NCOA7: variants seen among roughly 807,000 people sequenced by gnomAD.
NCOA7 encodes nuclear receptor coactivator 7.
NCOA7 carries 45 observed loss-of-function variants against 104.3 expected under a neutral mutation model. That is an observed-to-expected ratio of 0.43 (90% CI 0.34 to 0.55). The LOEUF (loss-of-function observed/expected upper bound fraction) is 0.55, where lower values mean the gene tolerates loss of function less well. Among genes scored for constraint, NCOA7 ranks in the 20% least tolerant of loss-of-function variants. The probability of loss-of-function intolerance (pLI) is 0.02; values close to 1 mark genes in which losing one functional copy is unlikely to be tolerated. For missense variants in NCOA7, 1,041 were observed against 1,119.7 expected, an observed-to-expected ratio of 0.93 and a Z score of 1.00; for synonymous variants, 398 against 402.3, an observed-to-expected ratio of 0.99 and a Z score of 0.13.
rs1471722657 is a variant in NCOA7 at position 125,931,681 on chromosome 6, G to T, written c.*2910G>T. ...TTATAAGTATGTCTTCCCTTAATTTGATCTCCCTCTCCTTGATGCCTTTTA... is the reference window on the plus strand; with the variant it reads ...TTATAAGTATGTCTTCCCTTAATTTTATCTCCCTCTCCTTGATGCCTTTTA... On this transcript the variant is annotated 3_prime_UTR_variant, in exon 16 of 16. Coordinates refer to ENST00000392477, the MANE Select transcript of NCOA7 (RefSeq NM_181782.5). 6.6e-6 allele frequency: 1 copy of T among 152,118 alleles called. No homozygotes were observed. Among genetic ancestry groups the T allele is most frequent in the Non-Finnish European group, 1.5e-5 (1 of 68,034 alleles). 9.4% of individuals were successfully genotyped at this position (152,118 alleles called of 1,614,324 possible). A position where few individuals can be genotyped will look rare whatever the true frequency, so the allele number is the denominator to read the frequency against.
At position 125,889,455 on chromosome 6, in the gene NCOA7, A is replaced by C. The variant is rs770835214; in HGVS notation, c.1401A>C (p.Leu467=). ...SAVEMQVQSA[L]AFLGTENDVE... ...TGGAAATGCAGGTGCAGTCAGCCCT[A>C]GCCTTTTTGGGAACAGAGAATGATG... is the stretch of plus-strand genomic sequence containing the variant. Residue 467 remains leucine, a synonymous_variant, in exon 9 of 16, where the codon CTA becomes CTC. Transcript: ENST00000392477. The C allele has an allele frequency of 6.2e-7, 1 of 1,614,130 alleles. No individual in the cohort carries two copies. Among genetic ancestry groups the C allele is most frequent in the South Asian group, 1.1e-5 (1 of 91,080 alleles).
upstream of NCOA7, among the ~76,000 whole-genome samples, chr6:125,786,573 C>CTTTTTTTTT (rs148199881): frequency 8.3e-6 from 1 of 121,086 alleles, no homozygotes. Context: ...TAATCATTGT[C>CTTTTTTTTT]TTTTTTTTTT....
intron 2 of NCOA7, among the ~76,000 whole-genome samples, chr6:125,845,064 T>C (rs1780482186): frequency 6.6e-6 from 1 of 152,184 alleles, no homozygotes; most frequent in Admixed American, 6.5e-5. Flanking sequence ...GCATCCAAAG[T>C]ACAAGACGAT....
chr6:125,909,736 G>A (rs1298001665), intron 10 of NCOA7, among the ~76,000 whole-genome samples: 1 of 152,068 alleles, frequency 6.6e-6, no homozygotes, highest in Non-Finnish European at 1.5e-5. Flanking sequence ...CTTGAACTCG[G>A]GAGGCAGAGG....
chr6:125,843,772 A>G (rs540175942), intron 2 of NCOA7, among the ~76,000 whole-genome samples: 1 of 152,254 alleles, frequency 6.6e-6, no homozygotes, highest in Admixed American at 6.5e-5. Flanking sequence ...TGTCTGCACC[A>G]TCAATTTCTC....
In NCOA7 at chr6:125,802,742, A is replaced by C. The variant is rs116878913; in HGVS notation, c.-65+11675A>C. Among the ~76,000 whole-genome samples the C allele has an allele frequency of 5.6e-3, 847 of 152,328 alleles. 3 individuals are homozygous for C. The highest frequency in any genetic ancestry group is 9.6e-3 in the Non-Finnish European group (652 of 68,028). ...AAAGCCATTTTCTTTTGAATTCTAC[A>C]AGTTTTATGACAAGCAACTCAATAA... On this transcript the variant is annotated intron_variant, in intron 1 of 15. Coordinates refer to ENST00000392477, the MANE Select transcript of NCOA7 (RefSeq NM_181782.5).
chr6:125,916,531 G>A (rs1213939805), intron 11 of NCOA7, among the ~76,000 whole-genome samples: 1 of 152,206 alleles, frequency 6.6e-6, no homozygotes, highest in Admixed American at 6.5e-5. Context: ...GGGAAATTGG[G>A]AGATGAGACT....
At chr6:125,928,065 C>A in intron 14 of NCOA7, 109 bp from the exon 15 acceptor site, 1 of 1,041,356 alleles carries the variant, frequency 9.6e-7, no homozygotes, top group Non-Finnish European at 1.5e-6. Context: ...CTTCCTCCGT[C>A]AATGGGGTGA....
intron 3 of NCOA7, among the ~76,000 whole-genome samples, chr6:125,869,010 A>AT (rs1782658503): frequency 6.6e-6 from 1 of 152,146 alleles, no homozygotes; most frequent in Non-Finnish European, 1.5e-5. Flanking sequence ...AATTTTCCAA[A>AT]CTTCTGTTTG....
intron 8 of NCOA7, among the ~76,000 whole-genome samples, 193 bp downstream of exon 8, chr6:125,885,536 A>G (rs944466506): frequency 2.0e-5 from 3 of 152,198 alleles, no homozygotes; most frequent in Admixed American, 2.0e-4. Context: ...AAAGTTGAAC[A>G]TATAAAGATT....
At chr6:125,915,244 G>C in intron 10 of NCOA7, 89 bp from the exon 11 acceptor site, 1 of 1,480,678 alleles carries the variant, frequency 6.8e-7, no homozygotes, top group Non-Finnish European at 9.2e-7. Context: ...GCCAAGCAGG[G>C]AAAAGATGGT....
chr6:125,812,842 G>A (rs1316455760), intron 1 of NCOA7, among the ~76,000 whole-genome samples: 1 of 152,086 alleles, frequency 6.6e-6, no homozygotes, highest in Admixed American at 6.6e-5. Context: ...CAGAAACTTG[G>A]AGGACATCCT....
chr6:125,816,990 G>A (rs1431488921), intron 2 of NCOA7, among the ~76,000 whole-genome samples: 1 of 152,202 alleles, frequency 6.6e-6, no homozygotes, highest in African/African-American at 2.4e-5. Context: ...AGAATACTAG[G>A]TGAATGGAAT....
At chr6:125,923,525 C>CT (rs1787770456) in intron 13 of NCOA7, among the ~76,000 whole-genome samples, 1 of 152,166 alleles carries the variant, frequency 6.6e-6, no homozygotes, top group Non-Finnish European at 1.5e-5. Context: ...TCCTGTCAGT[C>CT]TCTTGCATCA....
intron 12 of NCOA7, among the ~76,000 whole-genome samples, chr6:125,921,568 A>G (rs1009640268): frequency 6.6e-5 from 10 of 152,176 alleles, no homozygotes; most frequent in Non-Finnish European, 1.2e-4. Context: ...TCTTAGTAGT[A>G]TGAGGAGTTG....
chr6:125,837,166 T>G (rs1239988228), intron 2 of NCOA7, among the ~76,000 whole-genome samples: 1 of 152,204 alleles, frequency 6.6e-6, no homozygotes, highest in Non-Finnish European at 1.5e-5. Flanking sequence ...GATTCAAGGT[T>G]TATATCAATT....
intron 3 of NCOA7, among the ~76,000 whole-genome samples, chr6:125,861,212 G>A (rs1782021916): frequency 6.6e-6 from 1 of 152,102 alleles, no homozygotes; most frequent in Non-Finnish European, 1.5e-5. Context: ...TTGACAATGT[G>A]GAAGTAACAG....
chr6:125,804,122 C>T (rs1453417217), intron 1 of NCOA7, among the ~76,000 whole-genome samples: 1 of 152,046 alleles, frequency 6.6e-6, no homozygotes, highest in Non-Finnish European at 1.5e-5. Context: ...TCTAGAGACT[C>T]CAGAAGTTTG....
At chr6:125,883,181 C>T (rs1783985828) in intron 7 of NCOA7, among the ~76,000 whole-genome samples, 1 of 152,054 alleles carries the variant, frequency 6.6e-6, no homozygotes, top group Non-Finnish European at 1.5e-5. Flanking sequence ...ACAAATTCAG[C>T]TTTTACTGAG....
Sources: gnomAD v4.1 joint callset for allele counts (sites outside exome capture counted in the v4.1 genomes callset) on GRCh38, gnomAD v4.1.1 for gene constraint, MANE v1.5 for transcripts, NCBI Gene and HGNC (gene_info 2026-07-23, HGNC 2026-07-21) for gene names.